The following RHEB variants were observed in gnomAD, a reference collection of about 807,000 sequenced individuals.
RHEB encodes GTP-binding protein Rheb.
A neutral mutation model predicts 28.8 loss-of-function variants in RHEB; 2 were observed. The observed-to-expected ratio is 0.07, with a 90% CI of 0.03 to 0.22. The LOEUF is 0.22. Among genes scored for constraint, RHEB ranks in the 10% least tolerant of loss-of-function variants. The pLI is 1.00. For missense variants in RHEB, 76 were observed against 219.9 expected (o/e 0.35, Z 4.14); for synonymous variants, 69 against 77.3 (o/e 0.89, Z 0.56).
At chr7:151,489,001 C>T (rs1037649981) in intron 2 of RHEB, among the ~76,000 whole-genome samples, 6 of 152,164 alleles carry the variant, frequency 3.9e-5, no homozygotes, top group Non-Finnish European at 8.8e-5. Context: ...AGTACAGTGA[C>T]ATGATTACAG....
At chr7:151,481,268 C>G (rs1035340201) in intron 3 of RHEB, among the ~76,000 whole-genome samples, 1 of 152,010 alleles carries the variant, frequency 6.6e-6, no homozygotes, top group Middle Eastern at 3.2e-3. Flanking sequence ...CATCATCATT[C>G]CTAGGTGGGC....
chr7:151,473,994 A>T (rs73154853), intron 4 of RHEB, among the ~76,000 whole-genome samples: 8,628 of 152,292 alleles, frequency 0.057, 324 homozygotes, highest in Admixed American at 0.095. Flanking sequence ...AAGAAACCGA[A>T]CCAGAAGTCA....
intron 1 of RHEB, among the ~76,000 whole-genome samples, chr7:151,496,415 G>A (rs1802674561): frequency 6.6e-6 from 1 of 151,882 alleles, no homozygotes; most frequent in South Asian, 2.1e-4. Context: ...TTTCAAATCA[G>A]TGGTGTGGCC....
chr7:151,470,126 T>C (rs1414673585), intron 7 of RHEB, among the ~76,000 whole-genome samples: 1 of 152,146 alleles, frequency 6.6e-6, no homozygotes, highest in Non-Finnish European at 1.5e-5. Context: ...GCTTATAAGA[T>C]GGTTCTTCAT....
intron 3 of RHEB, among the ~76,000 whole-genome samples, chr7:151,482,950 A>G (rs912160799): frequency 3.3e-5 from 5 of 152,086 alleles, no homozygotes; most frequent in Non-Finnish European, 5.9e-5. Context: ...TGGTCCATAT[A>G]AGCCCCAACT....
intron 1 of RHEB, among the ~76,000 whole-genome samples, chr7:151,507,809 T>A (rs1802914998): frequency 6.6e-6 from 1 of 152,222 alleles, no homozygotes; most frequent in South Asian, 2.1e-4. Context: ...CCAATTATTA[T>A]GCTACCAGAT....
chr7:151,486,908 A>AC (rs1802486044), intron 2 of RHEB, among the ~76,000 whole-genome samples: 2 of 150,214 alleles, frequency 1.3e-5, no homozygotes, highest in South Asian at 2.1e-4. Context: ...CACTTACAGG[A>AC]AAGACTAGGG....
chr7:151,481,716 A>C (rs947452565), intron 3 of RHEB, among the ~76,000 whole-genome samples: 1 of 152,250 alleles, frequency 6.6e-6, no homozygotes, highest in Non-Finnish European at 1.5e-5. Flanking sequence ...ACTACAAATA[A>C]TTTAAAGTAG....
intron 1 of RHEB, among the ~76,000 whole-genome samples, chr7:151,498,462 A>T (rs1316085556): frequency 6.6e-6 from 1 of 152,196 alleles, no homozygotes; most frequent in Non-Finnish European, 1.5e-5. Flanking sequence ...CTCTATAAAA[A>T]AAATACAAAA....
chr7:151,486,257 A>C (rs1484133877), intron 2 of RHEB, among the ~76,000 whole-genome samples: 1 of 152,198 alleles, frequency 6.6e-6, no homozygotes. Context: ...AGAACTAAGT[A>C]ACTGCAGTTA....
At chr7:151,482,713 C>T (rs1802399950) in intron 3 of RHEB, among the ~76,000 whole-genome samples, 1 of 152,190 alleles carries the variant, frequency 6.6e-6, no homozygotes, top group Non-Finnish European at 1.5e-5. Context: ...TTCTAAGTTA[C>T]ACTGTTGTCC....
At position 151,470,485 on chromosome 7, in the gene RHEB, G is replaced by A. The variant is rs575235888; in HGVS notation, c.462+86C>T. On this transcript the variant is annotated intron_variant, in intron 7 of 7. Transcript: ENST00000262187. ...CCAGATGTTACACAGGAGTGATCAA[G>A]ACAGAGGTCAAATGCCAACTGCAAG... The A allele has an allele frequency of 8.0e-6, 7 of 871,060 alleles. No homozygotes were observed. The African/African-American group carries it at 1.2e-4, about 15-fold the overall frequency. The allele number at this position is 871,060 out of a possible 1,614,324, so 54.0% of individuals were successfully genotyped here. A position where few individuals can be genotyped will look rare whatever the true frequency, so the allele number is the denominator to read the frequency against.
chr7:151,501,967 G>A, intron 1 of RHEB: 5 of 634,210 alleles, frequency 7.9e-6, no homozygotes, highest in Admixed American at 3.9e-5. Context: ...GCTGGGCGCC[G>A]TGGCTCACGC....
rs201911510 is a variant in RHEB at position 151,480,688 on chromosome 7, TA to T, written c.193-3274del. 5.4e-3 allele frequency among the ~76,000 whole-genome samples: 713 copies of T among 132,156 alleles called. 16 individuals are homozygous for T. The highest frequency in any genetic ancestry group is 9.7e-3 in the African/African-American group (385 of 39,616). 86.7% of individuals were successfully genotyped at this position (132,156 alleles called of 152,430 possible). A position where few individuals can be genotyped will look rare whatever the true frequency, so the allele number is the denominator to read the frequency against. On this transcript the variant is annotated intron_variant, in intron 3 of 7. Coordinates refer to ENST00000262187, the MANE Select transcript of RHEB (RefSeq NM_005614.4). ...ATCAATTTTAATTATTATTAATTAT[TA>T]TTTTTTTTTTTTGAGACAGAGTTTC...
At chr7:151,513,012 C>G (rs962739319) in intron 1 of RHEB, among the ~76,000 whole-genome samples, 4 of 152,176 alleles carry the variant, frequency 2.6e-5, no homozygotes, top group African/African-American at 9.7e-5. Context: ...TTCTTTACTA[C>G]CATGCATTCA....
chr7:151,468,579 G>A lies in RHEB; in HGVS notation c.463-1368C>T, dbSNP rs1391692157. On this transcript the variant is annotated intron_variant, in intron 7 of 7. Coordinates refer to ENST00000262187, the MANE Select transcript of RHEB (RefSeq NM_005614.4). The surrounding 1 kb of genome is among the most constrained non-coding windows in gnomAD (Gnocchi z 4.3). ...CACGCCTTGTCCCTTCTCCTCAAAT[G>A]TTCCCCGTGCTTACGCTCAGCTGAA... 1.3e-5 allele frequency among the ~76,000 whole-genome samples: 2 copies of A among 152,310 alleles called. No individual in the cohort carries two copies. The highest frequency in any genetic ancestry group is 3.9e-4 in the East Asian group (2 of 5,192).
intron 1 of RHEB, among the ~76,000 whole-genome samples, chr7:151,492,900 G>A (rs983728896): frequency 2.7e-5 from 4 of 146,972 alleles, no homozygotes; most frequent in East Asian, 4.1e-4. Context: ...GTGCAGTGGT[G>A]CAATCTTGGC....
At chr7:151,499,387 G>C (rs1484470776) in intron 1 of RHEB, among the ~76,000 whole-genome samples, 2 of 152,030 alleles carry the variant, frequency 1.3e-5, no homozygotes, top group Admixed American at 1.3e-4. Context: ...GGAAAGGAAA[G>C]GGCAGGACAG....
intron 2 of RHEB, among the ~76,000 whole-genome samples, chr7:151,489,154 G>C (rs971649298): frequency 1.3e-5 from 2 of 152,184 alleles, no homozygotes; most frequent in Non-Finnish European, 1.5e-5. Flanking sequence ...TTTAGAGGCA[G>C]AGCTTACGAA....
Sources: gnomAD v4.1 joint callset for allele counts (sites outside exome capture counted in the v4.1 genomes callset) on GRCh38, gnomAD v4.1.1 for gene constraint, Gnocchi (gnomAD v3.1) non-coding constraint, MANE v1.5 for transcripts, NCBI Gene and HGNC (gene_info 2026-07-23, HGNC 2026-07-21) for gene names.